The following CACNG2 variants were observed in gnomAD, a reference collection of about 807,000 sequenced individuals.
CACNG2 encodes the protein voltage-dependent calcium channel gamma-2 subunit.
CACNG2 carries 3 observed loss-of-function variants against 25.9 expected under a neutral mutation model. That is an observed-to-expected ratio of 0.12 (90% CI 0.05 to 0.30). The LOEUF is 0.30. Among genes scored for constraint, CACNG2 ranks in the 10% least tolerant of loss-of-function variants. The pLI is 1.00. For synonymous variants in CACNG2, 167 were observed against 173.3 expected (o/e 0.96, Z 0.29); for missense variants, 341 against 432.5 (o/e 0.79, Z 1.88).
intron 2 of CACNG2, among the ~76,000 whole-genome samples, chr22:36,572,600 C>T (rs1935250884): frequency 6.6e-6 from 1 of 151,716 alleles, no homozygotes; most frequent in African/African-American, 2.4e-5. Context: ...TACTCGGGAG[C>T]CCGAGGCAGG....
intron 1 of CACNG2, among the ~76,000 whole-genome samples, chr22:36,671,108 G>A (rs1436819813): frequency 6.6e-6 from 1 of 151,924 alleles, no homozygotes; most frequent in Non-Finnish European, 1.5e-5. Flanking sequence ...TAGTAGAGAC[G>A]GGTTTTCACC....
intron 1 of CACNG2, among the ~76,000 whole-genome samples, chr22:36,598,750 G>A (rs1935712338): frequency 6.6e-6 from 1 of 152,022 alleles, no homozygotes; most frequent in African/African-American, 2.4e-5. Context: ...AGGCCAAGGT[G>A]GGCAGGTCAC....
chr22:36,647,442 G>C (rs1056788639), intron 1 of CACNG2, among the ~76,000 whole-genome samples: 2 of 151,896 alleles, frequency 1.3e-5, no homozygotes, highest in Non-Finnish European at 2.9e-5. Flanking sequence ...CTAAAAATAC[G>C]AAAATTAGAT....
intron 1 of CACNG2, among the ~76,000 whole-genome samples, chr22:36,617,573 A>G (rs184160568): frequency 1.4e-4 from 21 of 150,320 alleles, no homozygotes; most frequent in Non-Finnish European, 2.7e-4. Flanking sequence ...TATCTGCCCC[A>G]TAGGCTTATT....
At chr22:36,696,235 G>A (rs1378497246) in intron 1 of CACNG2, among the ~76,000 whole-genome samples, 2 of 151,934 alleles carry the variant, frequency 1.3e-5, no homozygotes, top group Non-Finnish European at 2.9e-5. Context: ...TCAGGCATTT[G>A]TTTTCTCTCC....
chr22:36,578,856 T>TGGGA (rs1161116169), intron 2 of CACNG2, among the ~76,000 whole-genome samples: 2 of 152,040 alleles, frequency 1.3e-5, no homozygotes, highest in African/African-American at 4.8e-5. Context: ...GGTGGATGGG[T>TGGGA]GGGAGGAGGA....
intron 1 of CACNG2, among the ~76,000 whole-genome samples, chr22:36,588,294 T>G (rs1318036389): frequency 3.3e-5 from 5 of 152,090 alleles, no homozygotes; most frequent in African/African-American, 1.2e-4. Flanking sequence ...GAAACTAGGA[T>G]CTTTTGACTC....
At chr22:36,664,867 T>C (rs932958810) in intron 1 of CACNG2, among the ~76,000 whole-genome samples, 2 of 152,138 alleles carry the variant, frequency 1.3e-5, no homozygotes, top group African/African-American at 2.4e-5. Context: ...TTTAGGCTGA[T>C]GTAAAGAGAA....
intron 1 of CACNG2, among the ~76,000 whole-genome samples, chr22:36,640,622 T>C (rs954136852): frequency 6.6e-6 from 1 of 152,160 alleles, no homozygotes; most frequent in Non-Finnish European, 1.5e-5. Context: ...CTGCAGAAGG[T>C]AGGGCCCGAG....
At chr22:36,571,890 A>C (rs374825208) in intron 2 of CACNG2, among the ~76,000 whole-genome samples, 14,922 of 151,684 alleles carry the variant, frequency 0.098, 826 homozygotes, top group Middle Eastern at 0.14. Context: ...AACAAAAAAA[A>C]AAAAAAAAAG....
At position 36,566,506 on chromosome 22, in the gene CACNG2, G is replaced by C. The variant is rs1233208371; in HGVS notation, c.296-13C>G. 6.2e-7 allele frequency: 1 copy of C among 1,613,934 alleles called. No homozygotes were observed. The highest frequency in any genetic ancestry group is 1.1e-5 in the South Asian group (1 of 91,084). Reference sequence around the variant, plus strand: ...GCCCTCACGGCCCCTGTGGAACACAGAGGGTCAGGGAGAAAGAGAACGGCA... The same window carrying C: ...GCCCTCACGGCCCCTGTGGAACACACAGGGTCAGGGAGAAAGAGAACGGCA... On this transcript the variant is annotated splice_polypyrimidine_tract_variant and intron_variant, in intron 2 of 3. Coordinates refer to ENST00000300105, the MANE Select transcript of CACNG2 (RefSeq NM_006078.5).
At chr22:36,688,864 T>C (rs1569053379) in intron 1 of CACNG2, among the ~76,000 whole-genome samples, 1 of 152,184 alleles carries the variant, frequency 6.6e-6, no homozygotes. Context: ...TCAGTATCCA[T>C]CTCAGCAATA....
Position 36,566,343 on chromosome 22 carries a change from T to G in CACNG2, c.436+10A>C. On this transcript the variant is annotated intron_variant, in intron 3 of 3. Coordinates refer to ENST00000300105, the MANE Select transcript of CACNG2 (RefSeq NM_006078.5). ...CTTCCCAGTGGCAGGACTGGATCAG[T>G]GGCTGTTACCTGCAGACACGAAGAA... 6.2e-7 allele frequency: 1 copy of G among 1,613,924 alleles called. No individual in the cohort carries two copies. Among genetic ancestry groups the G allele is most frequent in the East Asian group, 2.2e-5 (1 of 44,876 alleles).
chr22:36,566,497 TG>T lies in CACNG2; in HGVS notation c.296-5del. 2 of 1,613,986 alleles carry T rather than the reference TG, an allele frequency of 1.2e-6. No homozygotes were observed. Among genetic ancestry groups the T allele is most frequent in the Non-Finnish European group, 1.7e-6 (2 of 1,180,020 alleles). On this transcript the variant is annotated splice_region_variant and splice_polypyrimidine_tract_variant and intron_variant, in intron 2 of 3. Transcript: ENST00000300105. ...ATGCTGGAGGCCCTCACGGCCCCTG[TG>T]GAACACAGAGGGTCAGGGAGAAAGA...
chr22:36,655,379 C>T (rs1936687599), intron 1 of CACNG2, among the ~76,000 whole-genome samples: 1 of 152,158 alleles, frequency 6.6e-6, no homozygotes, highest in Admixed American at 6.5e-5. Flanking sequence ...GCCTTTACTC[C>T]TCTAGCAATT....
At chr22:36,600,750 T>C (rs772665535) in intron 1 of CACNG2, among the ~76,000 whole-genome samples, 1 of 152,128 alleles carries the variant, frequency 6.6e-6, no homozygotes, top group Non-Finnish European at 1.5e-5. Context: ...TTTTACTATG[T>C]TGGCCAGGCT....
At chr22:36,594,509 A>T (rs189111011) in intron 1 of CACNG2, among the ~76,000 whole-genome samples, 5 of 152,220 alleles carry the variant, frequency 3.3e-5, no homozygotes, top group Non-Finnish European at 7.4e-5. Context: ...GGTGTAGAGG[A>T]TGTGTGTGAT....
chr22:36,582,825 T>C (rs1270003116), intron 2 of CACNG2, among the ~76,000 whole-genome samples: 1 of 151,828 alleles, frequency 6.6e-6, no homozygotes, highest in East Asian at 1.9e-4. Context: ...ACCTGTTAGT[T>C]TCATTTTTTG....
intron 1 of CACNG2, among the ~76,000 whole-genome samples, chr22:36,678,673 C>G (rs1382675278): frequency 6.6e-6 from 1 of 151,202 alleles, no homozygotes; most frequent in Non-Finnish European, 1.5e-5. Flanking sequence ...TTTCCACCCC[C>G]ATGCCAGTCA....
Sources: allele counts gnomAD v4.1 joint callset (sites outside exome capture counted in the v4.1 genomes callset), GRCh38; gene constraint gnomAD v4.1.1; transcripts MANE v1.5; gene names NCBI Gene and HGNC (gene_info 2026-07-23, HGNC 2026-07-21).